Variants in MARCHF5 observed in about 807,000 individuals in gnomAD.
MARCHF5 encodes the protein membrane associated ring-CH-type finger 5.
MARCHF5 carries 5 observed loss-of-function variants against 36.5 expected under a neutral mutation model. The observed-to-expected ratio is 0.14, with a 90% confidence interval of 0.07 to 0.29. MARCHF5 has a LOEUF of 0.29. MARCHF5 is among the 10% of genes least tolerant of loss of function. The pLI is 1.00. For synonymous variants in MARCHF5, 103 were observed against 109.9 expected (o/e 0.94, Z 0.39); for missense variants, 179 against 336.3 (o/e 0.53, Z 3.66).
At chr10:92,335,708 G>T (rs560469729) in intron 2 of MARCHF5, among the ~76,000 whole-genome samples, 13 of 152,068 alleles carry the variant, frequency 8.5e-5, no homozygotes, top group Non-Finnish European at 1.5e-4. Context: ...TTATTCAAAA[G>T]AATTCACACC....
chr10:92,302,916 C>G (rs1843032868), intron 1 of MARCHF5, among the ~76,000 whole-genome samples: 1 of 152,184 alleles, frequency 6.6e-6, no homozygotes, highest in Admixed American at 6.5e-5. Context: ...AAAGCTTATT[C>G]CACGCTTGCT....
chr10:92,328,733 T>C (rs1040129661), intron 2 of MARCHF5, among the ~76,000 whole-genome samples: 2 of 151,168 alleles, frequency 1.3e-5, no homozygotes. Flanking sequence ...AACACTTGGC[T>C]GTTTAATATG....
chr10:92,341,037 A>G (rs756867863), intron 3 of MARCHF5, among the ~76,000 whole-genome samples: 5 of 152,154 alleles, frequency 3.3e-5, no homozygotes, highest in Non-Finnish European at 5.9e-5. Flanking sequence ...AGAAATCTGC[A>G]TAACGTTCTA....
At position 92,307,206 on chromosome 10, in the gene MARCHF5, T is replaced by TGTGTGC. The variant is rs1426688653; in HGVS notation, c.36-3924_36-3923insCGTGTG. On this transcript the variant is annotated intron_variant, in intron 1 of 5. Transcript: ENST00000358935. ...GTGTGTGTGTGTGTGTGTGTGTGTGTGTGTGTGCGCGTGCATGCACGCACG... is the reference window on the plus strand; with the variant it reads ...GTGTGTGTGTGTGTGTGTGTGTGTGTGTGTGCGTGTGTGCGCGTGCATGCACGCACG... Among the ~76,000 whole-genome samples, 6 of 116,894 alleles carry TGTGTGC rather than the reference T, an allele frequency of 5.1e-5. No homozygotes were observed. In the Admixed American group the frequency reaches 6.1e-4, roughly 12 times the overall value. The allele number at this position is 116,894 out of a possible 152,430, so 76.7% of individuals were successfully genotyped here. A position where few individuals can be genotyped will look rare whatever the true frequency, so the allele number is the denominator to read the frequency against.
intron 2 of MARCHF5, among the ~76,000 whole-genome samples, chr10:92,334,715 A>T (rs1042033457): frequency 5.3e-5 from 8 of 152,224 alleles, no homozygotes; most frequent in African/African-American, 1.7e-4. Context: ...GGCAGCAAAA[A>T]TCTACTTTTG....
chr10:92,350,944 G>A, intron 5 of MARCHF5, 147 bp from the exon 6 acceptor site: 1 of 601,900 alleles, frequency 1.7e-6, no homozygotes, highest in Non-Finnish European at 3.0e-6. Context: ...TCATCTCCTA[G>A]TAGAAAAAGA....
chr10:92,343,071 G>C (rs192192659), intron 3 of MARCHF5, among the ~76,000 whole-genome samples: 2 of 152,320 alleles, frequency 1.3e-5, no homozygotes, highest in Non-Finnish European at 2.9e-5. Flanking sequence ...GAGAACCACT[G>C]ACTTGAACTT....
chr10:92,303,340 T>A (rs1449019756), intron 1 of MARCHF5, among the ~76,000 whole-genome samples: 1 of 152,196 alleles, frequency 6.6e-6, no homozygotes, highest in Non-Finnish European at 1.5e-5. Flanking sequence ...TTCATTTCCA[T>A]CTCTAAGCTT....
intron 1 of MARCHF5, among the ~76,000 whole-genome samples, chr10:92,302,576 C>G (rs1255159467): frequency 6.6e-6 from 1 of 151,880 alleles, no homozygotes; most frequent in Admixed American, 6.6e-5. Flanking sequence ...TCCTGAGTAG[C>G]TGGGATTACA....
intron 1 of MARCHF5, among the ~76,000 whole-genome samples, chr10:92,301,179 G>C (rs998581324): frequency 6.6e-6 from 1 of 152,016 alleles, no homozygotes; most frequent in Non-Finnish European, 1.5e-5. Context: ...GAGCCACCAC[G>C]CCTGACCTGC....
chr10:92,310,911 T>C (rs909734688), intron 1 of MARCHF5, among the ~76,000 whole-genome samples: 17 of 152,206 alleles, frequency 1.1e-4, no homozygotes, highest in African/African-American at 3.9e-4. Flanking sequence ...AAAAACAAAG[T>C]TCAGAAAACA....
chr10:92,334,276 A>G (rs1843476394), intron 2 of MARCHF5, among the ~76,000 whole-genome samples: 1 of 152,202 alleles, frequency 6.6e-6, no homozygotes, highest in Admixed American at 6.5e-5. Context: ...TGGGAACTTG[A>G]GTGGCTTCTG....
chr10:92,336,217 A>C (rs1056177117), intron 2 of MARCHF5, among the ~76,000 whole-genome samples: 53 of 152,170 alleles, frequency 3.5e-4, no homozygotes, highest in Admixed American at 5.9e-4. Context: ...TTGTATTTTT[A>C]GTAGAAACGG....
intron 2 of MARCHF5, among the ~76,000 whole-genome samples, chr10:92,324,319 T>C (rs1338099689): frequency 6.6e-6 from 1 of 152,186 alleles, no homozygotes; most frequent in Non-Finnish European, 1.5e-5. Flanking sequence ...GGTTGTCTTC[T>C]CATTCTCTTA....
intron 2 of MARCHF5, among the ~76,000 whole-genome samples, chr10:92,328,821 A>ATATATATTTT (rs372130854): frequency 8.2e-6 from 1 of 122,444 alleles, no homozygotes; most frequent in African/African-American, 3.2e-5. Flanking sequence ...ATATATATAT[A>ATATATATTTT]TTTTTTTTTT....
chr10:92,345,697 C>CT (rs34971275), intron 3 of MARCHF5, among the ~76,000 whole-genome samples: 40,496 of 123,554 alleles, frequency 0.33, 7,752 homozygotes, highest in South Asian at 0.57. Context: ...TTTTTTTTTT[C>CT]TTTTTTTTTT....
At chr10:92,304,043 G>T (rs1288989286) in intron 1 of MARCHF5, among the ~76,000 whole-genome samples, 1 of 152,170 alleles carries the variant, frequency 6.6e-6, no homozygotes, top group African/African-American at 2.4e-5. Context: ...GGGTAATAAG[G>T]GTGAAAGAAA....
At chr10:92,312,137 A>C (rs1247661146) in intron 2 of MARCHF5, among the ~76,000 whole-genome samples, 1 of 152,186 alleles carries the variant, frequency 6.6e-6, no homozygotes, top group South Asian at 2.1e-4. Context: ...TAAGGAAAGA[A>C]TGTCTTTGGG....
chr10:92,330,554 A>T (rs1380432311), intron 2 of MARCHF5, among the ~76,000 whole-genome samples: 1 of 151,976 alleles, frequency 6.6e-6, no homozygotes, highest in Non-Finnish European at 1.5e-5. Context: ...TCACCTGAGG[A>T]TTTCCTGAAA....
Sources: allele counts gnomAD v4.1 joint callset (sites outside exome capture counted in the v4.1 genomes callset), GRCh38; gene constraint gnomAD v4.1.1; transcripts MANE v1.5; gene names NCBI Gene and HGNC (gene_info 2026-07-23, HGNC 2026-07-21).